The following APOL3 variants were observed in gnomAD, a reference collection of about 807,000 sequenced individuals.
APOL3 encodes the protein TNF-inducible protein CG12-1.
APOL3 carries 14 observed loss-of-function variants against 11.6 expected under a neutral mutation model. That is an observed-to-expected ratio of 1.21 (90% confidence interval 0.80 to 1.89). APOL3 has a LOEUF of 1.89. APOL3 is among the 40% of genes most tolerant of loss of function. APOL3 has a pLI of 0.00. For synonymous variants in APOL3, 192 were observed against 190.6 expected (o/e 1.01, Z -0.06); for missense variants, 483 against 492.1 (o/e 0.98, Z 0.17).
exon 3 of APOL3, chr22:36,141,682 A>G: frequency 6.2e-7 from 1 of 1,614,072 alleles, no homozygotes; most frequent in Non-Finnish European, 8.5e-7. Flanking sequence ...GATGTGTATG[A>G]GTGCTCCACG....
At chr22:36,150,096 G>A (rs1339875884) in intron 1 of APOL3, 2 of 348,454 alleles carry the variant, frequency 5.7e-6, no homozygotes, top group Admixed American at 3.8e-5. Flanking sequence ...GCAGGCATCA[G>A]CCACTACAAC....
intron 1 of APOL3, 65 bp from the exon 2 acceptor site, chr22:36,149,207 A>C: frequency 4.6e-6 from 6 of 1,317,324 alleles, no homozygotes; most frequent in Non-Finnish European, 6.0e-6. Flanking sequence ...GGGAGGTTGG[A>C]GGGGCTGGAT....
intron 1 of APOL3, chr22:36,157,012 T>C: frequency 2.2e-6 from 1 of 456,248 alleles, no homozygotes; most frequent in Non-Finnish European, 4.4e-6. Context: ...CATCTCTTTT[T>C]GGGGAAGAAC....
chr22:36,146,518 G>C (rs1280036343), intron 1 of APOL3: 1 of 151,938 alleles, frequency 6.6e-6, no homozygotes, highest in Non-Finnish European at 1.5e-5. Context: ...CACAGCAAGA[G>C]TGAGTATTCT....
chr22:36,160,572 CCT>C, intron 1 of APOL3, 95 bp downstream of exon 1: 2 of 1,310,250 alleles, frequency 1.5e-6, no homozygotes, highest in Non-Finnish European at 2.2e-6. Context: ...AGTTACCTAA[CCT>C]CTCTGAGCTC....
intron 2 of APOL3, among the ~76,000 whole-genome samples, chr22:36,143,311 T>C (rs2060071280): frequency 6.6e-6 from 1 of 152,256 alleles, no homozygotes; most frequent in Non-Finnish European, 1.5e-5. Flanking sequence ...GACTCTGCCC[T>C]GTGTGTCTCT....
At chr22:36,142,706 A>G (rs2060044183) in intron 2 of APOL3, among the ~76,000 whole-genome samples, 2 of 152,210 alleles carry the variant, frequency 1.3e-5, no homozygotes, top group East Asian at 3.8e-4. Flanking sequence ...CATGTCAGCC[A>G]TCAGGACAGC....
intron 1 of APOL3, among the ~76,000 whole-genome samples, chr22:36,145,926 C>A (rs548328099): frequency 2.0e-5 from 3 of 151,724 alleles, no homozygotes; most frequent in South Asian, 2.1e-4. Context: ...TCTCCTCACC[C>A]CACCCCGCCC....
At chr22:36,160,263 C>T (rs1471224519) in intron 1 of APOL3, among the ~76,000 whole-genome samples, 3 of 152,174 alleles carry the variant, frequency 2.0e-5, no homozygotes, top group African/African-American at 7.2e-5. Context: ...TCAGGGTGGC[C>T]AGGCCACAAG....
chr22:36,149,309 G>A (rs1456320179), intron 1 of APOL3, 167 bp from the exon 2 acceptor site: 1 of 1,305,940 alleles, frequency 7.7e-7, no homozygotes, highest in African/African-American at 1.5e-5. Flanking sequence ...GGTATTTAGA[G>A]AAATTCTACT....
At chr22:36,145,193 G>A (rs996422796) in intron 2 of APOL3, among the ~76,000 whole-genome samples, 17 of 152,166 alleles carry the variant, frequency 1.1e-4, no homozygotes, top group Admixed American at 3.9e-4. Context: ...GATGAAGAAA[G>A]GAAGGCAGAA....
chr22:36,163,719 G>T (rs925732274), upstream of APOL3, among the ~76,000 whole-genome samples: 3 of 152,208 alleles, frequency 2.0e-5, no homozygotes, highest in Non-Finnish European at 4.4e-5. Context: ...TCCTGGTAAT[G>T]GTCAAGGATA....
upstream of APOL3, among the ~76,000 whole-genome samples, chr22:36,163,687 C>T (rs1327564543): frequency 6.6e-6 from 1 of 152,222 alleles, no homozygotes; most frequent in East Asian, 1.9e-4. Flanking sequence ...GAGCCTCCAT[C>T]TAAAGAGCAG....
At chr22:36,149,259 C>G in intron 1 of APOL3, 117 bp from the exon 2 acceptor site, 1 of 1,305,546 alleles carries the variant, frequency 7.7e-7, no homozygotes, top group East Asian at 5.5e-5. Flanking sequence ...CAAGACCAAC[C>G]TAGCCCGGTG....
intron 1 of APOL3, among the ~76,000 whole-genome samples, chr22:36,147,405 C>T (rs1299734867): frequency 2.0e-5 from 3 of 152,128 alleles, no homozygotes; most frequent in Admixed American, 6.5e-5. Context: ...CCCAGCTGGC[C>T]GCGTTATTAA....
At chr22:36,158,041 C>G (rs1330344069) in intron 1 of APOL3, among the ~76,000 whole-genome samples, 2 of 151,856 alleles carry the variant, frequency 1.3e-5, no homozygotes, top group Non-Finnish European at 2.9e-5. Context: ...CAAAGCCAGA[C>G]TCCATCTCAT....
At chr22:36,143,245 C>A (rs550194962) in intron 2 of APOL3, among the ~76,000 whole-genome samples, 51 of 152,258 alleles carry the variant, frequency 3.3e-4, no homozygotes, top group Non-Finnish European at 6.6e-4. Context: ...CCCACATTCA[C>A]ACAGGAGAAC....
intron 1 of APOL3, chr22:36,149,870 T>C (rs1306856683): frequency 2.2e-6 from 1 of 456,186 alleles, no homozygotes; most frequent in African/African-American, 2.0e-5. Context: ...TGGACACCCT[T>C]TGTCCCCCTT....
At chr22:36,160,303 T>C (rs1472855185) in intron 1 of APOL3, among the ~76,000 whole-genome samples, 1 of 152,186 alleles carries the variant, frequency 6.6e-6, no homozygotes, top group Non-Finnish European at 1.5e-5. Context: ...GATCACCTCC[T>C]GTCCTCCACC....
Sources: allele counts gnomAD v4.1 joint callset (sites outside exome capture counted in the v4.1 genomes callset), GRCh38; gene constraint gnomAD v4.1.1; transcripts MANE v1.5; gene names NCBI Gene and HGNC (gene_info 2026-07-23, HGNC 2026-07-21).